Variants in AMOTL1 observed in about 807,000 individuals in gnomAD.
The protein encoded by AMOTL1 is angiomotin like 1.
A neutral mutation model predicts 102.9 loss-of-function variants in AMOTL1; 45 were observed. The observed-to-expected ratio is 0.44, with a 90% CI of 0.34 to 0.56. The LOEUF (loss-of-function observed/expected upper bound fraction) is 0.56, where lower values mean the gene tolerates loss of function less well. Among genes scored for constraint, AMOTL1 ranks in the 20% least tolerant of loss-of-function variants. The pLI, the probability that AMOTL1 is intolerant of heterozygous loss-of-function variation, is 0.01. For missense variants in AMOTL1, 1,114 were observed against 1,225.6 expected, an observed-to-expected ratio of 0.91 and a Z score of 1.36; for synonymous variants, 481 against 484.7, an observed-to-expected ratio of 0.99 and a Z score of 0.10.
At chr11:94,824,666 G>A (rs540929541) in intron 4 of AMOTL1, among the ~76,000 whole-genome samples, 1 of 152,286 alleles carries the variant, frequency 6.6e-6, no homozygotes, top group South Asian at 2.1e-4. Context: ...CCTTAGGTCT[G>A]GGGAGAGGGT....
At position 94,739,739 on chromosome 11, in the gene AMOTL1, G is replaced by A. The variant is rs375934814; in HGVS notation, c.86-1199G>A. Among the ~76,000 whole-genome samples the A allele has an allele frequency of 1.5e-3, 224 of 152,194 alleles. 1 individual carries two copies. Among genetic ancestry groups the A allele is most frequent in the African/African-American group, 5.0e-3 (208 of 41,510 alleles). Reference sequence around the variant, plus strand: ...GACCCTGTTATGGGCCATCAGCTGCGGGGCTCTCTCTGGAGCACACCCCAA... The same window carrying A: ...GACCCTGTTATGGGCCATCAGCTGCAGGGCTCTCTCTGGAGCACACCCCAA... On this transcript the variant is annotated intron_variant, in intron 2 of 4. Coordinates refer to the AMOTL1 transcript ENST00000299004.
intron 4 of AMOTL1, among the ~76,000 whole-genome samples, chr11:94,827,461 A>G (rs1951988602): frequency 1.3e-5 from 2 of 152,368 alleles, no homozygotes; most frequent in South Asian, 4.1e-4. Context: ...AGATAAAATC[A>G]GCAAAGAAGT....
intron 1 of AMOTL1, among the ~76,000 whole-genome samples, chr11:94,709,508 C>G (rs1210018988): frequency 3.9e-5 from 6 of 152,140 alleles, no homozygotes. Flanking sequence ...CAAGCTGGCC[C>G]AAGCCCATGA....
chr11:94,773,691 G>A (rs940673581), intron 1 of AMOTL1, among the ~76,000 whole-genome samples: 5 of 152,220 alleles, frequency 3.3e-5, no homozygotes, highest in Non-Finnish European at 5.9e-5. Context: ...TTATTGCCAT[G>A]AATTCTTTAG....
At chr11:94,848,819 T>C (rs947519165) in intron 6 of AMOTL1, among the ~76,000 whole-genome samples, 1 of 152,264 alleles carries the variant, frequency 6.6e-6, no homozygotes, top group African/African-American at 2.4e-5. Flanking sequence ...TTTTCTGCCC[T>C]GTTAGTGTGC....
intron 1 of AMOTL1, among the ~76,000 whole-genome samples, chr11:94,781,982 T>A (rs1405116885): frequency 6.6e-6 from 1 of 152,260 alleles, no homozygotes; most frequent in Non-Finnish European, 1.5e-5. Context: ...AGGAATGTTC[T>A]AGTTGAGGCA....
intron 2 of AMOTL1, among the ~76,000 whole-genome samples, chr11:94,730,931 CA>C (rs1427554564): frequency 6.6e-6 from 1 of 152,116 alleles, no homozygotes; most frequent in Non-Finnish European, 1.5e-5. Flanking sequence ...GTAACCTAGG[CA>C]ATAGAATCAT....
chr11:94,716,131 C>CTAG (rs1209839028), intron 1 of AMOTL1, among the ~76,000 whole-genome samples: 1 of 152,096 alleles, frequency 6.6e-6, no homozygotes, highest in Non-Finnish European at 1.5e-5. Flanking sequence ...CATCACTCTA[C>CTAG]TACTAAGCTC....
At position 94,795,301 on chromosome 11, in the gene AMOTL1, A is replaced by G. The variant is rs987266919; in HGVS notation, c.199+141A>G. On this transcript the variant is annotated intron_variant, in intron 2 of 12. Coordinates refer to ENST00000433060, the MANE Select transcript of AMOTL1 (RefSeq NM_130847.3). ...ATATTGGATTATTGATTGTCTGTTC[A>G]TAGATGCCTTATTTTTAATCATGTT... 109 of 1,124,846 alleles carry G rather than the reference A, an allele frequency of 9.7e-5. 1 individual carries two copies. The South Asian group carries it at 1.4e-3, about 15-fold the overall frequency. The allele number at this position is 1,124,846 out of a possible 1,614,324, so 69.7% of individuals were successfully genotyped here. A position where few individuals can be genotyped will look rare whatever the true frequency, so the allele number is the denominator to read the frequency against.
chr11:94,797,505 C>A (rs1262433156), intron 2 of AMOTL1, among the ~76,000 whole-genome samples: 2 of 152,122 alleles, frequency 1.3e-5, no homozygotes, highest in Admixed American at 6.5e-5. Context: ...AGTTTAGACT[C>A]TTGTATAAAT....
intron 2 of AMOTL1, among the ~76,000 whole-genome samples, chr11:94,731,262 A>G (rs887950733): frequency 9.2e-5 from 14 of 152,218 alleles, no homozygotes; most frequent in Non-Finnish European, 1.9e-4. Flanking sequence ...TCCTGCAAAT[A>G]TGAAGGCATC....
intron 8 of AMOTL1, among the ~76,000 whole-genome samples, chr11:94,857,574 AAG>A (rs1287506224): frequency 6.7e-6 from 1 of 149,894 alleles, no homozygotes; most frequent in East Asian, 1.9e-4. Flanking sequence ...AAAAAGATAA[AAG>A]AGAGAGGGGA....
chr11:94,763,905 A>G (rs893146013), upstream of AMOTL1, among the ~76,000 whole-genome samples: 1 of 152,154 alleles, frequency 6.6e-6, no homozygotes, highest in Non-Finnish European at 1.5e-5. Context: ...AAAACAGAGA[A>G]CTGAAAGAAA....
intron 3 of AMOTL1, among the ~76,000 whole-genome samples, chr11:94,801,251 C>T (rs1373467071): frequency 5.3e-5 from 8 of 152,012 alleles, no homozygotes; most frequent in Non-Finnish European, 1.0e-4. Flanking sequence ...GAGGGAGTGC[C>T]GTGTCTTCAG....
chr11:94,758,972 TA>T (rs1170210980), intron 3 of AMOTL1, among the ~76,000 whole-genome samples: 1 of 151,960 alleles, frequency 6.6e-6, no homozygotes, highest in Non-Finnish European at 1.5e-5. Context: ...CATAACACTT[TA>T]AAAAAAACAC....
At position 94,799,763 on chromosome 11, in the gene AMOTL1, C is replaced by T. The variant is rs1183848220; in HGVS notation, c.573C>T (p.Tyr191=). The T allele has an allele frequency of 4.4e-6, 7 of 1,609,034 alleles. No individual in the cohort carries two copies. The highest frequency in any genetic ancestry group is 4.5e-5 in the East Asian group (2 of 44,748). ...PQQNNEELPT[Y]EEAKAQSQFF... is the part of the protein sequence containing the mutation. ...AGAACAACGAGGAACTGCCCACTTA[C>T]GAGGAGGCCAAAGCACAGTCGCAGT... The change falls in exon 3 of 13, where the codon TAC becomes TAT. Residue 191 remains tyrosine (Y), a synonymous_variant. Coordinates refer to ENST00000433060, the MANE Select transcript of AMOTL1 (RefSeq NM_130847.3). The surrounding 1 kb of genome is among the most constrained non-coding windows in gnomAD (Gnocchi z 4.5).
chr11:94,812,634 T>TC (rs35443857), intron 3 of AMOTL1, among the ~76,000 whole-genome samples: 37 of 152,406 alleles, frequency 2.4e-4, no homozygotes, highest in Admixed American at 4.6e-4. Flanking sequence ...TTTTGTTTTG[T>TC]TTTGTCTTTG....
intron 4 of AMOTL1, among the ~76,000 whole-genome samples, chr11:94,829,540 G>A (rs1952034295): frequency 6.6e-6 from 1 of 152,072 alleles, no homozygotes; most frequent in Non-Finnish European, 1.5e-5. Context: ...ATAGACAAAG[G>A]AATAAAAATA....
At chr11:94,743,144 T>A (rs1249999895) in intron 3 of AMOTL1, among the ~76,000 whole-genome samples, 2 of 152,180 alleles carry the variant, frequency 1.3e-5, no homozygotes, top group East Asian at 3.8e-4. Context: ...GGTTCTAGCT[T>A]TCACCCTGCT....
Sources: gnomAD v4.1 joint callset for allele counts (sites outside exome capture counted in the v4.1 genomes callset) on GRCh38, gnomAD v4.1.1 for gene constraint, Gnocchi (gnomAD v3.1) non-coding constraint, MANE v1.5 for transcripts, NCBI Gene and HGNC (gene_info 2026-07-23, HGNC 2026-07-21) for gene names.